The following CGB3 variants were observed in gnomAD, a reference collection of about 807,000 sequenced individuals.
CGB3 encodes choriogonadotropin subunit beta 3.
Under a neutral mutation model 5.1 loss-of-function variants are expected in CGB3, and 3 were observed. That is an observed-to-expected ratio of 0.59 (90% confidence interval 0.27 to 1.52). CGB3 has a LOEUF of 1.52. CGB3 is among the 40% of genes most tolerant of loss of function. CGB3 has a pLI of 0.13. For missense variants in CGB3, 44 were observed against 183.7 expected (o/e 0.24, Z 4.39); for synonymous variants, 21 against 80.9 (o/e 0.26, Z 3.97).
intron 1 of CGB3, 48 bp downstream of exon 1, chr19:49,023,909 G>A (rs767348612): frequency 9.9e-6 from 16 of 1,612,424 alleles, no homozygotes; most frequent in Admixed American, 3.3e-5. Context: ...TCATGCCAGT[G>A]ATTGCCTGGA....
rs761106289 is a variant in CGB3, at chr19:49,024,017, G to GT, written c.-47dup. 5 of 1,611,798 alleles carry GT rather than the reference G, an allele frequency of 3.1e-6. No individual in the cohort carries two copies. Among genetic ancestry groups the GT allele is most frequent in the Non-Finnish European group, 2.5e-6 (3 of 1,178,664 alleles). ...CGTGTACCTGGCTTTATACCTCGGG[G>GT]TTGTGGGGGCGGCAAGGCCACCAGG... On this transcript the variant is annotated 5_prime_UTR_variant, in exon 1 of 3. Coordinates refer to ENST00000357383, the MANE Select transcript of CGB3 (RefSeq NM_000737.5).
chr19:49,023,758 C>A (rs1286821150), intron 1 of CGB3, 155 bp from the exon 2 acceptor site: 3 of 962,276 alleles, frequency 3.1e-6, no homozygotes, highest in Non-Finnish European at 3.7e-6. Context: ...TTTCAGAGCC[C>A]ACCCCACAGC....
At position 49,022,929 on chromosome 19, in the gene CGB3, G is replaced by A. The variant is rs1460346174; in HGVS notation, c.455C>T (p.Ser152Phe). The change falls in exon 3 of 3, where the codon TCC becomes TTC. Residue 152 changes from serine to phenylalanine, a missense_variant. By Grantham distance (155) the Ser-to-Phe change is radical. Coordinates refer to ENST00000357383, the MANE Select transcript of CGB3 (RefSeq NM_000737.5). ...GGTGTCCGAGGGCCCCGGGAGTCGG[G>A]ATGGGCTTGGAAGGCTGGGGGGAGG... ...KAPPPSLPSP[S>F]RLPGPSDTPI... The A allele has an allele frequency of 6.3e-7, 1 of 1,592,954 alleles. No homozygotes were observed. The highest frequency in any genetic ancestry group is 1.8e-5 in the Admixed American group (1 of 56,556).
intron 1 of CGB3, 21 bp from the exon 2 acceptor site, chr19:49,023,624 C>A: frequency 9.3e-7 from 1 of 1,076,476 alleles, no homozygotes; most frequent in South Asian, 1.6e-5. Context: ...GACACTGCTT[C>A]ACCCGGGTCT....
At chr19:49,023,288 T>A in intron 2 of CGB3, 88 bp from the exon 3 acceptor site, 1 of 572,346 alleles carries the variant, frequency 1.7e-6, no homozygotes, top group Non-Finnish European at 2.9e-6. Context: ...GGTCTCAGAC[T>A]CAGGGGTCCA....
rs2039639222 is a variant in CGB3 at position 49,023,381 on chromosome 19, C to G, written c.183+55G>C. The G allele has an allele frequency of 1.1e-5, 6 of 542,990 alleles. No homozygotes were observed. In the Admixed American group the frequency reaches 2.1e-4, roughly 19 times the overall value. The allele number at this position is 542,990 out of a possible 1,614,324, so 33.6% of individuals were successfully genotyped here. On this transcript the variant is annotated intron_variant, in intron 2 of 2. Transcript: ENST00000357383. ...CAGACCACCCTTCCTCCCCCGCTGC[C>G]TCTGTGGGTCTGGCCCTGAGGTGGC...
rs1023444130 is a variant in CGB3 at position 49,024,258 on chromosome 19, G to A, written c.-287C>T. 6.6e-5 allele frequency: 88 copies of A among 1,334,094 alleles called. 2 individuals carry two copies. Among genetic ancestry groups the A allele is most frequent in the Admixed American group, 2.5e-4 (8 of 32,166 alleles). The allele number at this position is 1,334,094 out of a possible 1,614,324, so 82.6% of individuals were successfully genotyped here. On this transcript the variant is annotated 5_prime_UTR_variant, in exon 1 of 3. Coordinates refer to ENST00000357383, the MANE Select transcript of CGB3 (RefSeq NM_000737.5). ...GTCGAGGCTGGAGGCACAGGGAGTA[G>A]GGTGTAGGAAGGCCTGCCTCTGCCT... is the stretch of plus-strand genomic sequence containing the variant.
In CGB3 at chr19:49,024,157, T is replaced by G; in HGVS notation, c.-186A>C. ...GAGCGCCCCAGCCCTCTCCTCTCAC[T>G]GGTCCAGCGCCAAGGGTGAGGCGGA... On this transcript the variant is annotated 5_prime_UTR_variant, in exon 1 of 3. Transcript: ENST00000357383. 1.6e-6 allele frequency: 2 copies of G among 1,245,018 alleles called. No individual in the cohort carries two copies. Among genetic ancestry groups the G allele is most frequent in the Non-Finnish European group, 2.2e-6 (2 of 905,248 alleles). The allele number at this position is 1,245,018 out of a possible 1,614,324, so 77.1% of individuals were successfully genotyped here. A position where few individuals can be genotyped will look rare whatever the true frequency, so the allele number is the denominator to read the frequency against.
rs369610551 is a variant in CGB3, at chr19:49,024,239, G to C, written c.-268C>G. On this transcript the variant is annotated 5_prime_UTR_variant, in exon 1 of 3. Transcript: ENST00000357383. The stretch of plus-strand genomic sequence containing the variant: ...CGTCGAGTGCTAGGGACTAGTCGAG[G>C]CTGGAGGCACAGGGAGTAGGGTGTA... 3.9e-3 allele frequency: 5,407 copies of C among 1,381,134 alleles called. 124 individuals are homozygous for C. The African/African-American group carries it at 0.057, about 14-fold the overall frequency. 85.6% of individuals were successfully genotyped at this position (1,381,134 alleles called of 1,614,324 possible). A position where few individuals can be genotyped will look rare whatever the true frequency, so the allele number is the denominator to read the frequency against.
At position 49,024,108 on chromosome 19, in the gene CGB3, G is replaced by A. The variant is rs551921806; in HGVS notation, c.-137C>T. On this transcript the variant is annotated 5_prime_UTR_variant, in exon 1 of 3. Coordinates refer to ENST00000357383, the MANE Select transcript of CGB3 (RefSeq NM_000737.5). ...GGGGGGCAAGAGGTAGACAAGGCCA[G>A]GGGGGCGCAGGAGTGGCTCAGCGGA... The A allele has an allele frequency of 1.2e-5, 19 of 1,537,926 alleles. No homozygotes were observed. The African/African-American group carries it at 1.5e-4, about 12-fold the overall frequency.
At chr19:49,023,652 T>A (rs1349443044) in intron 1 of CGB3, 49 bp from the exon 2 acceptor site, 1 of 1,303,496 alleles carries the variant, frequency 7.7e-7, no homozygotes, top group Non-Finnish European at 1.0e-6. Context: ...CAGCCCCGAG[T>A]CCTGGCCTTC....
chr19:49,023,036 G>C lies in CGB3; in HGVS notation c.348C>G (p.Ser116Arg). 6.6e-7 allele frequency: 1 copy of C among 1,513,634 alleles called. No homozygotes were observed. The highest frequency in any genetic ancestry group is 8.9e-7 in the Non-Finnish European group (1 of 1,121,984). 93.8% of individuals were successfully genotyped at this position (1,513,634 alleles called of 1,614,324 possible). A position where few individuals can be genotyped will look rare whatever the true frequency, so the allele number is the denominator to read the frequency against. ...CCTTGGGACCCCCGCAGTCAGTGGT[G>C]CTGCGGCGGCAGAGTGCACATTGAC... ...LSCQCALCRR[S>R]TTDCGGPKDH... The change falls in exon 3 of 3, where the codon AGC becomes AGG. Residue 116 changes from serine (S) to arginine (R), a missense_variant. By Grantham distance (110) the Ser-to-Arg change is moderately radical. Around this residue, in one of 3 missense-constraint regions of CGB3, gnomAD observed 32 missense variants for 139.4 expected, o/e 0.23. Transcript: ENST00000357383.
rs1486783958 is a variant in CGB3, at chr19:49,024,074, T to C, written c.-103A>G. 3 of 1,600,180 alleles carry C rather than the reference T, an allele frequency of 1.9e-6. No homozygotes were observed. The highest frequency in any genetic ancestry group is 2.6e-6 in the Non-Finnish European group (3 of 1,168,446). ...TAGGATGCTGGGGTGAGCTCGACAC[T>C]AACCCCTCGGGGGGCAAGAGGTAGA... On this transcript the variant is annotated 5_prime_UTR_variant, in exon 1 of 3. Coordinates refer to ENST00000357383, the MANE Select transcript of CGB3 (RefSeq NM_000737.5).
chr19:49,023,956 C>T lies in CGB3; in HGVS notation c.15+1G>A, dbSNP rs1355861352. The T allele has an allele frequency of 4.3e-6, 7 of 1,613,002 alleles. No homozygotes were observed. The highest frequency in any genetic ancestry group is 5.9e-6 in the Non-Finnish European group (7 of 1,179,784). The stretch of plus-strand genomic sequence containing the variant: ...GGTGCCCAGGGGCCCTGCAGTCTTA[C>T]CTGGAACATCTCCATCCTTGGTGCG... On this transcript the variant is annotated splice_donor_variant, in intron 1 of 2. Transcript: ENST00000357383. LOFTEE classifies it high-confidence loss of function.
chr19:49,023,847 G>C, intron 1 of CGB3, 110 bp downstream of exon 1: 1 of 1,602,932 alleles, frequency 6.2e-7, no homozygotes, highest in African/African-American at 1.3e-5. Flanking sequence ...TGGGGGTCAC[G>C]CTCCTCCAGA....
In CGB3 at chr19:49,024,014, G is replaced by C; in HGVS notation, c.-43C>G. The C allele has an allele frequency of 6.2e-7, 1 of 1,611,760 alleles. No homozygotes were observed. Among genetic ancestry groups the C allele is most frequent in the Non-Finnish European group, 8.5e-7 (1 of 1,178,572 alleles). On this transcript the variant is annotated 5_prime_UTR_variant, in exon 1 of 3. Coordinates refer to ENST00000357383, the MANE Select transcript of CGB3 (RefSeq NM_000737.5). ...CCTCGTGTACCTGGCTTTATACCTC[G>C]GGGTTGTGGGGGCGGCAAGGCCACC...
chr19:49,023,023 C>A lies in CGB3; in HGVS notation c.361G>T (p.Gly121Trp), dbSNP rs1259166364. The A allele has an allele frequency of 1.3e-6, 2 of 1,521,696 alleles. No homozygotes were observed. Among genetic ancestry groups the A allele is most frequent in the Non-Finnish European group, 1.8e-6 (2 of 1,129,932 alleles). 94.3% of individuals were successfully genotyped at this position (1,521,696 alleles called of 1,614,324 possible). A position where few individuals can be genotyped will look rare whatever the true frequency, so the allele number is the denominator to read the frequency against. The change falls in exon 3 of 3, where the codon GGG becomes TGG. Residue 121 changes from glycine (G) to tryptophan (W), a missense_variant. Physicochemically the swap from Gly to Trp is radical, Grantham distance 184. This residue lies in a region of CGB3 where 32 missense variants were observed against 139.4 expected (regional missense o/e 0.23). Transcript: ENST00000357383. ...ALCRRSTTDC[G>W]GPKDHPLTCD... ...GTCAAGGGGTGGTCCTTGGGACCCC[C>A]GCAGTCAGTGGTGCTGCGGCGGCAG...
At position 49,023,968 on chromosome 19, in the gene CGB3, C is replaced by T; in HGVS notation, c.4G>A (p.Glu2Lys). The T allele has an allele frequency of 6.2e-7, 1 of 1,613,248 alleles. No individual in the cohort carries two copies. Among genetic ancestry groups the T allele is most frequent in the Non-Finnish European group, 8.5e-7 (1 of 1,179,762 alleles). The change falls in exon 1 of 3, where the codon GAG (glutamate) becomes AAG (lysine). Residue 2 changes from glutamate (E) to lysine (K), a missense_variant. Transcript: ENST00000357383. M[E>K]MFQGLLLLLL... ...CCCTGCAGTCTTACCTGGAACATCTCCATCCTTGGTGCGTCCCCTGCCTCG... is the reference window on the plus strand; with the variant it reads ...CCCTGCAGTCTTACCTGGAACATCTTCATCCTTGGTGCGTCCCCTGCCTCG...
rs529132433 is a variant in CGB3 at position 49,024,135 on chromosome 19, C to T, written c.-164G>A. On this transcript the variant is annotated 5_prime_UTR_variant, in exon 1 of 3. Transcript: ENST00000357383. ...GGGGCGCAGGAGTGGCTCAGCGGAG[C>T]GCCCCAGCCCTCTCCTCTCACTGGT... The T allele has an allele frequency of 8.3e-5, 107 of 1,289,798 alleles. No individual in the cohort carries two copies. The South Asian group carries it at 1.1e-3, about 14-fold the overall frequency. 79.9% of individuals were successfully genotyped at this position (1,289,798 alleles called of 1,614,324 possible).
Sources: gnomAD v4.1 joint callset for allele counts on GRCh38, gnomAD v4.1.1 for gene constraint, gnomAD v4.1.1 regional missense constraint, MANE v1.5 for transcripts, NCBI Gene and HGNC (gene_info 2026-07-23, HGNC 2026-07-21) for gene names.